Variants in FABP6 observed in about 807,000 individuals in gnomAD.
FABP6 encodes fatty acid binding protein 6, also known as gastrotropin.
Under a neutral mutation model 14.9 loss-of-function variants are expected in FABP6, and 13 were observed. The observed-to-expected ratio is 0.87, with a 90% confidence interval of 0.57 to 1.39. The LOEUF is 1.39. Ranked by LOEUF, FABP6 falls within the 40% of genes most tolerant of loss-of-function variation. The probability of loss-of-function intolerance (pLI) is 0.00; values close to 1 mark genes in which losing one functional copy is unlikely to be tolerated. For missense variants in FABP6, 161 were observed against 167.2 expected (o/e 0.96, Z 0.20); for synonymous variants, 75 against 63.6 (o/e 1.18, Z -0.85).
chr5:160,199,149 C>A, exon 2 of FABP6: 1 of 1,614,172 alleles, frequency 6.2e-7, no homozygotes, highest in East Asian at 2.2e-5. Flanking sequence ...GATGCAGGCG[C>A]TGACTCAGGT....
upstream of FABP6, among the ~76,000 whole-genome samples, chr5:160,227,525 CAAAAAAA>C (rs10645896): frequency 0.023 from 2,312 of 99,502 alleles, 73 homozygotes; most frequent in African/African-American, 0.079. Flanking sequence ...GACTTCACTT[CAAAAAAA>C]AAAAAAAAAA....
Position 160,232,085 on chromosome 5 carries a change from TC to T in FABP6, c.68-9del, listed in dbSNP as rs1347155810. On this transcript the variant is annotated splice_polypyrimidine_tract_variant and intron_variant, in intron 1 of 3. Transcript: ENST00000402432. Reference sequence around the variant, plus strand: ...AGCTCTTATATGGCTACTCTGCTTGTCCCCGGGTCCAGGGATCTCCAGCGAT... The same window carrying T: ...AGCTCTTATATGGCTACTCTGCTTGTCCCGGGTCCAGGGATCTCCAGCGAT... The T allele has an allele frequency of 6.2e-7, 1 of 1,613,300 alleles. No individual in the cohort carries two copies. Among genetic ancestry groups the T allele is most frequent in the Admixed American group, 1.7e-5 (1 of 59,914 alleles).
chr5:160,195,208 C>G (rs2113060739), intron 1 of FABP6, among the ~76,000 whole-genome samples: 1 of 142,138 alleles, frequency 7.0e-6, no homozygotes, highest in South Asian at 2.2e-4. Flanking sequence ...TTGCTTGAAC[C>G]TGGAGGCAGA....
chr5:160,219,231 C>T (rs925257065), intron 3 of FABP6, among the ~76,000 whole-genome samples: 5 of 152,146 alleles, frequency 3.3e-5, no homozygotes, highest in Admixed American at 2.6e-4. Flanking sequence ...CTCCTCCTCA[C>T]CCATGGACTC....
At chr5:160,187,461 G>C (rs1215995415) in intron 1 of FABP6, 3 of 152,542 alleles carry the variant, frequency 2.0e-5, no homozygotes, top group Non-Finnish European at 4.4e-5. Flanking sequence ...AAAGGTGAAG[G>C]GACTGTCCAG....
chr5:160,214,808 G>GAAAT (rs1053545698), intron 3 of FABP6, among the ~76,000 whole-genome samples: 1 of 137,478 alleles, frequency 7.3e-6, no homozygotes, highest in Non-Finnish European at 1.6e-5. Context: ...AAGAAAGAAA[G>GAAAT]AAAGAAATCC....
intron 2 of FABP6, among the ~76,000 whole-genome samples, chr5:160,212,144 C>T (rs1305298403): frequency 6.6e-6 from 1 of 151,830 alleles, no homozygotes; most frequent in East Asian, 1.9e-4. Flanking sequence ...CCTGCCACCA[C>T]ACAACTGGCT....
At chr5:160,212,088 A>G (rs1759904996) in intron 2 of FABP6, among the ~76,000 whole-genome samples, 1 of 150,742 alleles carries the variant, frequency 6.6e-6, no homozygotes, top group Non-Finnish European at 1.5e-5. Context: ...CCTGGGTTCA[A>G]GCTATTCTCC....
intron 3 of FABP6, among the ~76,000 whole-genome samples, chr5:160,217,504 A>C (rs1760036743): frequency 6.6e-6 from 1 of 152,226 alleles, no homozygotes; most frequent in Non-Finnish European, 1.5e-5. Context: ...CTGCACGGCC[A>C]GCCTGCCCCA....
Position 160,229,636 on chromosome 5 carries a change from C to T in FABP6, c.67+12C>T. The stretch of plus-strand genomic sequence containing the variant: ...CATGAAGCTCCTTGGTGAGTGAGCT[C>T]CTGGGTATCCCTTCCTCGGGGTTGG... On this transcript the variant is annotated intron_variant, in intron 1 of 3. Transcript: ENST00000402432. 6.2e-7 allele frequency: 1 copy of T among 1,613,132 alleles called. No individual in the cohort carries two copies. The highest frequency in any genetic ancestry group is 8.5e-7 in the Non-Finnish European group (1 of 1,179,324).
At chr5:160,187,751 T>TTATG (rs1157433003) in intron 1 of FABP6, among the ~76,000 whole-genome samples, 1 of 151,914 alleles carries the variant, frequency 6.6e-6, no homozygotes, top group Non-Finnish European at 1.5e-5. Context: ...TATTATTTAT[T>TTATG]TATTTATTTA....
chr5:160,199,306 T>C, intron 2 of FABP6: 1 of 751,526 alleles, frequency 1.3e-6, no homozygotes, highest in Non-Finnish European at 2.3e-6. Flanking sequence ...GCCCTTTTCC[T>C]CCTTTCAGCT....
At chr5:160,235,360 C>G (rs1397447272) in intron 3 of FABP6, among the ~76,000 whole-genome samples, 2 of 152,174 alleles carry the variant, frequency 1.3e-5, no homozygotes, top group Non-Finnish European at 2.9e-5. Context: ...TCTGATTTAT[C>G]AAGAGAAGTT....
chr5:160,234,721 C>T, intron 2 of FABP6, 99 bp from the exon 3 acceptor site: 1 of 865,926 alleles, frequency 1.2e-6, no homozygotes, highest in Non-Finnish European at 1.8e-6. Flanking sequence ...GCCACCGTGC[C>T]TGGCCTTGGT....
Position 160,234,899 on chromosome 5 carries a change from A to T in FABP6, c.323A>T (p.Lys108Met). The T allele has an allele frequency of 6.2e-7, 1 of 1,611,174 alleles. No individual in the cohort carries two copies. Among genetic ancestry groups the T allele is most frequent in the Non-Finnish European group, 8.5e-7 (1 of 1,178,472 alleles). ...YHQTSEIVGDKLVEVSTIGGV... is the reference protein window; with the variant it reads ...YHQTSEIVGDMLVEVSTIGGV... ...CAGACCTCAGAGATCGTGGGTGACA[A>T]GCTGGTGGAGGTGAGTGTCATGCTG... The change falls in exon 3 of 4, where the codon AAG becomes ATG. Residue 108 changes from lysine (K) to methionine (M), a missense_variant. Transcript: ENST00000402432.
chr5:160,204,538 G>A (rs1281614736), intron 2 of FABP6, among the ~76,000 whole-genome samples: 2 of 151,984 alleles, frequency 1.3e-5, no homozygotes, highest in Admixed American at 6.6e-5. Flanking sequence ...CATCCGGGCT[G>A]GAGTGCAGTG....
In FABP6 at chr5:160,213,928, T is replaced by C. The variant is rs1759951076; in HGVS notation, c.135+109T>C. 5.7e-6 allele frequency: 5 copies of C among 871,648 alleles called. No homozygotes were observed. The East Asian group carries it at 1.2e-4, about 22-fold the overall frequency. 54.0% of individuals were successfully genotyped at this position (871,648 alleles called of 1,614,324 possible). A position where few individuals can be genotyped will look rare whatever the true frequency, so the allele number is the denominator to read the frequency against. On this transcript the variant is annotated intron_variant, in intron 3 of 6. Coordinates refer to the FABP6 transcript ENST00000393980. ...CCTATCCCTGGGCTCCTTGAGATCC[T>C]TCTGCATTGTTAGAATATTAGGTTG...
chr5:160,229,686 G>A, intron 1 of FABP6, 62 bp downstream of exon 1: 1 of 1,473,166 alleles, frequency 6.8e-7, no homozygotes, highest in Non-Finnish European at 9.5e-7. Flanking sequence ...CTCTGGGCCA[G>A]GAACCCTAAA....
chr5:160,229,683 C>G (rs1309591370), intron 1 of FABP6, 59 bp downstream of exon 1: 1 of 1,475,654 alleles, frequency 6.8e-7, no homozygotes, highest in African/African-American at 1.4e-5. Context: ...CAGCTCTGGG[C>G]CAGGAACCCT....
Sources: gnomAD v4.1 joint callset for allele counts (sites outside exome capture counted in the v4.1 genomes callset) on GRCh38, gnomAD v4.1.1 for gene constraint, MANE v1.5 for transcripts, NCBI Gene and HGNC (gene_info 2026-07-23, HGNC 2026-07-21) for gene names.